ZNF646: variants seen among roughly 807,000 people sequenced by gnomAD.
ZNF646 encodes the protein zinc finger protein 646.
A neutral mutation model predicts 115.4 loss-of-function variants in ZNF646; 49 were observed. The observed-to-expected ratio is 0.42, with a 90% CI of 0.34 to 0.54. ZNF646 has a LOEUF of 0.54. Ranked by LOEUF, ZNF646 falls within the 20% of genes least tolerant of loss-of-function variation. The pLI, the probability that ZNF646 is intolerant of heterozygous loss-of-function variation, is 0.04. For synonymous variants in ZNF646, 933 were observed against 939.0 expected (o/e 0.99, Z 0.12); for missense variants, 2,269 against 2,457.9 (o/e 0.92, Z 1.62).
Position 31,081,513 on chromosome 16 carries a change from A to G in ZNF646, c.5189A>G (p.Lys1730Arg), listed in dbSNP as rs766842243. The part of the protein sequence containing the change: ...KNHSRTHTDP[K>R]RHCCSICGKA... ...CACAGCAGGACCCACACGGACCCCAAGCGCCACTGCTGCAGCATCTGTGGC... is the reference window on the plus strand; with the variant it reads ...CACAGCAGGACCCACACGGACCCCAGGCGCCACTGCTGCAGCATCTGTGGC... The change falls in exon 2 of 3, where the codon AAG becomes AGG. Residue 1730 changes from lysine (K) to arginine (R), a missense_variant. Physicochemically the swap from Lys to Arg is conservative, Grantham distance 26. Coordinates refer to ENST00000300850, the MANE Select transcript of ZNF646 (RefSeq NM_014699.4). 32 of 1,614,020 alleles carry G rather than the reference A, an allele frequency of 2.0e-5. No individual in the cohort carries two copies. In the Admixed American group the frequency reaches 2.2e-4, roughly 11 times the overall value.
At position 31,083,764 on chromosome 16, in the gene ZNF646, T is replaced by C. The variant is rs1190227273; in HGVS notation, c.*672T>C. The C allele has an allele frequency of 3.1e-6, 5 of 1,614,056 alleles. No individual in the cohort carries two copies. In the East Asian group the frequency reaches 8.9e-5, roughly 29 times the overall value. ...TGCCATTTGCCTGCCTGCATTCTCT[T>C]GTCCTGAGAATGGCCAGGTCCCCTG... On this transcript the variant is annotated 3_prime_UTR_variant, in exon 3 of 3. Coordinates refer to ENST00000300850, the MANE Select transcript of ZNF646 (RefSeq NM_014699.4).
At position 31,080,841 on chromosome 16, in the gene ZNF646, A is replaced by T. The variant is rs541596023; in HGVS notation, c.4517A>T (p.Asn1506Ile). The T allele has an allele frequency of 1.9e-6, 3 of 1,613,978 alleles. No individual in the cohort carries two copies. Among genetic ancestry groups the T allele is most frequent in the Non-Finnish European group, 2.5e-6 (3 of 1,180,000 alleles). Residue 1506 changes from asparagine (N) to isoleucine (I), a missense_variant, in exon 2 of 3, where the codon AAT (asparagine) becomes ATT (isoleucine). Physicochemically the swap from Asn to Ile is moderately radical, Grantham distance 149 (BLOSUM62 -3). Transcript: ENST00000300850. Reference protein sequence around the residue: ...SPCHAGDCQLNGPTLSHMDSW... With the variant: ...SPCHAGDCQLIGPTLSHMDSW... ...TGCCACGCTGGTGACTGCCAGCTCAATGGACCTACTCTGAGTCACATGGAT... is the reference window on the plus strand; with the variant it reads ...TGCCACGCTGGTGACTGCCAGCTCATTGGACCTACTCTGAGTCACATGGAT...
At chr16:31,082,503 G>C in intron 2 of ZNF646, 1 of 198,654 alleles carries the variant, frequency 5.0e-6, no homozygotes, top group Non-Finnish European at 1.1e-5. Flanking sequence ...TCATTAGCCC[G>C]TGTCACATCC....
chr16:31,077,797 G>A lies in ZNF646; in HGVS notation c.1473G>A (p.Glu491=), dbSNP rs760663263. 1 of 1,613,916 alleles carries A rather than the reference G, an allele frequency of 6.2e-7. No individual in the cohort carries two copies. Among genetic ancestry groups the A allele is most frequent in the Admixed American group, 1.7e-5 (1 of 60,014 alleles). ...VNHRHSHRTG[E]YQCSLCPRKY... ...ATCGCCACAGCCATCGGACTGGAGA[G>A]TACCAGTGCTCACTCTGTCCCCGCA... The change falls in exon 2 of 3, where the codon GAG becomes GAA. Residue 491 remains glutamate, a synonymous_variant. Transcript: ENST00000300850.
rs754381507 is a variant in ZNF646, at chr16:31,076,501, C to G, written c.177C>G (p.His59Gln). The G allele has an allele frequency of 1.2e-6, 2 of 1,613,928 alleles. No individual in the cohort carries two copies. Among genetic ancestry groups the G allele is most frequent in the Admixed American group, 3.3e-5 (2 of 60,018 alleles). Reference protein sequence around the residue: ...RCQQCGRGYRHPGSLVNHRRT... With the variant: ...RCQQCGRGYRQPGSLVNHRRT... Reference sequence around the variant, plus strand: ...AGCAGTGTGGGCGGGGCTACCGTCACCCCGGGAGCCTGGTTAACCATCGTC... The same window carrying G: ...AGCAGTGTGGGCGGGGCTACCGTCAGCCCGGGAGCCTGGTTAACCATCGTC... The change falls in exon 2 of 3, where the codon CAC becomes CAG. Residue 59 changes from histidine to glutamine, a missense_variant. By Grantham distance (24) the His-to-Gln change is conservative. Transcript: ENST00000300850.
rs1019579880 is a variant in ZNF646, at chr16:31,084,002, T to C, written c.*910T>C. The C allele has an allele frequency of 2.0e-6, 3 of 1,498,402 alleles. No individual in the cohort carries two copies. Among genetic ancestry groups the C allele is most frequent in the Non-Finnish European group, 2.7e-6 (3 of 1,119,234 alleles). 92.8% of individuals were successfully genotyped at this position (1,498,402 alleles called of 1,614,324 possible). ...AACCAGAATCTGAATCAAATGGGTC[T>C]GCCTGTTGCTCCACCCTACCCAAGG... is the stretch of plus-strand genomic sequence containing the variant. On this transcript the variant is annotated 3_prime_UTR_variant, in exon 3 of 3. Coordinates refer to ENST00000300850, the MANE Select transcript of ZNF646 (RefSeq NM_014699.4).
At position 31,080,737 on chromosome 16, in the gene ZNF646, G is replaced by C. The variant is rs1433781282; in HGVS notation, c.4413G>C (p.Leu1471=). 1 of 1,613,528 alleles carries C rather than the reference G, an allele frequency of 6.2e-7. No individual in the cohort carries two copies. Among genetic ancestry groups the C allele is most frequent in the East Asian group, 2.2e-5 (1 of 44,894 alleles). ...KAGGWPVGGG[L]GNHSGGWVPQ... is the part of the protein sequence containing the mutation. Reference sequence around the variant, plus strand: ...GTGGGTGGCCGGTAGGTGGGGGACTGGGGAATCATAGTGGAGGCTGGGTTC... The same window carrying C: ...GTGGGTGGCCGGTAGGTGGGGGACTCGGGAATCATAGTGGAGGCTGGGTTC... The change falls in exon 2 of 3, where the codon CTG becomes CTC. Residue 1471 remains leucine, a synonymous_variant. Transcript: ENST00000300850.
Position 31,082,264 on chromosome 16 carries a change from CCT to C in ZNF646, c.5377+567_5377+568del, listed in dbSNP as rs2057172835. 4.0e-5 allele frequency: 7 copies of C among 174,250 alleles called. No individual in the cohort carries two copies. In the Admixed American group the frequency reaches 4.5e-4, roughly 11 times the overall value. The allele number at this position is 174,250 out of a possible 1,614,324, so 10.8% of individuals were successfully genotyped here. On this transcript the variant is annotated intron_variant, in intron 2 of 2. Coordinates refer to ENST00000300850, the MANE Select transcript of ZNF646 (RefSeq NM_014699.4). ...TTCCCTGCGCCTTGTCTCTGCTGCT[CCT>C]CTCCTTGGAAACTAGACCTCTGGTC... is the stretch of plus-strand genomic sequence containing the variant.
In ZNF646 at chr16:31,083,423, C is replaced by T. The variant is rs772458282; in HGVS notation, c.*331C>T. 3.1e-6 allele frequency: 4 copies of T among 1,278,872 alleles called. No individual in the cohort carries two copies. The highest frequency in any genetic ancestry group is 4.0e-6 in the Non-Finnish European group (4 of 993,190). 79.2% of individuals were successfully genotyped at this position (1,278,872 alleles called of 1,614,324 possible). ...GGGAGCCTTTTGCTACAATTTGTAA[C>T]TTATTTTCTAAAGTCTATTTTGTAA... On this transcript the variant is annotated 3_prime_UTR_variant, in exon 3 of 3. Coordinates refer to ENST00000300850, the MANE Select transcript of ZNF646 (RefSeq NM_014699.4).
At position 31,083,753 on chromosome 16, in the gene ZNF646, C is replaced by T. The variant is rs762639556; in HGVS notation, c.*661C>T. ...AGGGGCAGTAATGCCATTTGCCTGC[C>T]TGCATTCTCTTGTCCTGAGAATGGC... is the stretch of plus-strand genomic sequence containing the variant. On this transcript the variant is annotated 3_prime_UTR_variant, in exon 3 of 3. Coordinates refer to ENST00000300850, the MANE Select transcript of ZNF646 (RefSeq NM_014699.4). 2 of 1,614,126 alleles carry T rather than the reference C, an allele frequency of 1.2e-6. No individual in the cohort carries two copies. Among genetic ancestry groups the T allele is most frequent in the East Asian group, 4.5e-5 (2 of 44,882 alleles).
At chr16:31,082,020 ACCC>A in intron 2 of ZNF646, 1 of 439,528 alleles carries the variant, frequency 2.3e-6, no homozygotes, top group African/African-American at 2.0e-5. Context: ...GTCACTGGGT[ACCC>A]CCTGGCTGCT....
Position 31,079,006 on chromosome 16 carries a change from T to G in ZNF646, c.2682T>G (p.Ala894=), listed in dbSNP as rs957798383. 10 of 1,596,504 alleles carry G rather than the reference T, an allele frequency of 6.3e-6. No individual in the cohort carries two copies. The highest frequency in any genetic ancestry group is 1.3e-5 in the African/African-American group (1 of 74,688). Residue 894 remains alanine (A), a synonymous_variant, in exon 2 of 3, where the codon GCT becomes GCG. Coordinates refer to ENST00000300850, the MANE Select transcript of ZNF646 (RefSeq NM_014699.4). The surrounding 1 kb of genome is among the most constrained non-coding windows in gnomAD (Gnocchi z 5.5). ...GTGGCATGATCTTCCCTGGGCGGGCTGGCTACAGGCTTCACCGGCGCCAGG... is the reference window on the plus strand; with the variant it reads ...GTGGCATGATCTTCCCTGGGCGGGCGGGCTACAGGCTTCACCGGCGCCAGG... ...CLCGMIFPGR[A]GYRLHRRQAH...
At chr16:31,073,510 G>A (rs2057035437), upstream of ZNF646, 1 of 152,144 alleles carries the variant, frequency 6.6e-6, no homozygotes, top group African/African-American at 2.4e-5. Flanking sequence ...AATGCGCCCG[G>A]GGCCGCTCAC....
rs2057074481 is a variant in ZNF646, at chr16:31,076,314, T to C, written c.-11T>C. On this transcript the variant is annotated 5_prime_UTR_variant, in exon 2 of 3. Transcript: ENST00000300850. ...TCCTTCTGAACCTCCAGGTTTCTGC[T>C]ACGTTGCCCCATGGAGGACACACCC... 1 of 1,594,776 alleles carries C rather than the reference T, an allele frequency of 6.3e-7. No homozygotes were observed. The highest frequency in any genetic ancestry group is 1.3e-5 in the African/African-American group (1 of 74,414).
chr16:31,078,196 G>A lies in ZNF646; in HGVS notation c.1872G>A (p.Lys624=), dbSNP rs768299241. 2.2e-5 allele frequency: 35 copies of A among 1,614,102 alleles called. No individual in the cohort carries two copies. Among genetic ancestry groups the A allele is most frequent in the Non-Finnish European group, 2.8e-5 (33 of 1,180,048 alleles). The change falls in exon 2 of 3, where the codon AAG becomes AAA. Residue 624 remains lysine, a synonymous_variant. Coordinates refer to ENST00000300850, the MANE Select transcript of ZNF646 (RefSeq NM_014699.4). Reference sequence around the variant, plus strand: ...CCTTTGCCTGCCGAGACTGTGGAAAGAGCTATCGCCACTCAGGCAGCCTTA... The same window carrying A: ...CCTTTGCCTGCCGAGACTGTGGAAAAAGCTATCGCCACTCAGGCAGCCTTA... ...PRAFACRDCG[K]SYRHSGSLIN...
At position 31,077,851 on chromosome 16, in the gene ZNF646, C is replaced by T; in HGVS notation, c.1527C>T (p.Asn509=). 2.5e-6 allele frequency: 4 copies of T among 1,613,850 alleles called. No individual in the cohort carries two copies. The highest frequency in any genetic ancestry group is 2.5e-6 in the Non-Finnish European group (3 of 1,180,044). ...ACCCCAATCTCATGGCCCTGCGCAA[C>T]CACGTGCGGGTACATTGCAAGGCTG... ...RKYPNLMALR[N]HVRVHCKAAR... Residue 509 remains asparagine (N), a synonymous_variant, in exon 2 of 3, where the codon AAC becomes AAT. Transcript: ENST00000300850.
rs779640342 is a variant in ZNF646, at chr16:31,081,007, C to G, written c.4683C>G (p.Leu1561=). 3 of 1,614,098 alleles carry G rather than the reference C, an allele frequency of 1.9e-6. No homozygotes were observed. The highest frequency in any genetic ancestry group is 1.1e-5 in the South Asian group (1 of 91,084). ...AGACAGACCGACACTATTGCCTGCT[C>G]TGCTCCAAGGAGTTCTTAAATCCTG... ...TNKTDRHYCL[L]CSKEFLNPVA... is the part of the protein sequence containing the mutation. Residue 1561 remains leucine, a synonymous_variant, in exon 2 of 3, where the codon CTC becomes CTG. Coordinates refer to ENST00000300850, the MANE Select transcript of ZNF646 (RefSeq NM_014699.4).
In ZNF646 at chr16:31,078,493, G is replaced by C. The variant is rs2057108255; in HGVS notation, c.2169G>C (p.Leu723=). ...GESPHGAEGN[L]ESDGDCLQAE... Reference sequence around the variant, plus strand: ...GTCCTCATGGGGCTGAAGGCAACCTGGAAAGTGATGGGGACTGTTTGCAGG... The same window carrying C: ...GTCCTCATGGGGCTGAAGGCAACCTCGAAAGTGATGGGGACTGTTTGCAGG... Residue 723 remains leucine (L), a synonymous_variant, in exon 2 of 3, where the codon CTG becomes CTC. Coordinates refer to ENST00000300850, the MANE Select transcript of ZNF646 (RefSeq NM_014699.4). 1.3e-6 allele frequency: 2 copies of C among 1,589,738 alleles called. No individual in the cohort carries two copies. Among genetic ancestry groups the C allele is most frequent in the Middle Eastern group, 1.7e-4 (1 of 5,944 alleles).
At position 31,076,790 on chromosome 16, in the gene ZNF646, C is replaced by G; in HGVS notation, c.466C>G (p.Pro156Ala). The G allele has an allele frequency of 1.2e-6, 2 of 1,613,926 alleles. No individual in the cohort carries two copies. The highest frequency in any genetic ancestry group is 1.7e-6 in the Non-Finnish European group (2 of 1,180,024). ...ETPDCESVPD[P>A]RAASGTWEDL... is the part of the protein sequence containing the mutation. ...ACCTGACTGTGAATCTGTACCTGAC[C>G]CCAGGGCAGCTTCGGGTACGTGGGA... The change falls in exon 2 of 3, where the codon CCC becomes GCC. Residue 156 changes from proline to alanine, a missense_variant. Physicochemically the swap from Pro to Ala is conservative, Grantham distance 27. Transcript: ENST00000300850.
Sources: gnomAD v4.1 joint callset for allele counts on GRCh38, gnomAD v4.1.1 for gene constraint, Gnocchi (gnomAD v3.1) non-coding constraint, MANE v1.5 for transcripts, NCBI Gene and HGNC (gene_info 2026-07-23, HGNC 2026-07-21) for gene names.